Variants in ESRRG observed in about 807,000 individuals in gnomAD.
ESRRG encodes the protein estrogen related receptor gamma, also known as estrogen-related receptor gamma.
In ESRRG, 13 loss-of-function variants were observed where a neutral mutation model predicts 44.0. That is an observed-to-expected ratio of 0.30 (90% confidence interval 0.19 to 0.47). The LOEUF is 0.47. Ranked by LOEUF, ESRRG falls within the 20% of genes least tolerant of loss-of-function variation. The pLI, the probability that ESRRG is intolerant of heterozygous loss-of-function variation, is 1.00. For synonymous variants in ESRRG, 215 were observed against 214.6 expected (o/e 1.00, Z -0.02); for missense variants, 395 against 580.6 (o/e 0.68, Z 3.29).
chr1:216,516,034 G>T (rs150505717), intron 6 of ESRRG, among the ~76,000 whole-genome samples: 1 of 151,794 alleles, frequency 6.6e-6, no homozygotes, highest in East Asian at 1.9e-4. Context: ...GTCAAACCTC[G>T]TTATATACAT....
intron 2 of ESRRG, among the ~76,000 whole-genome samples, chr1:216,877,388 TG>T (rs66907929): frequency 0.3 from 18,738 of 63,170 alleles, 1,651 homozygotes; most frequent in Non-Finnish European, 0.35. Context: ...TGTTTTTTTT[TG>T]TTTGTTTGTT....
intron 3 of ESRRG, among the ~76,000 whole-genome samples, chr1:216,614,232 C>T (rs950702356): frequency 2.0e-5 from 3 of 152,212 alleles, no homozygotes; most frequent in Non-Finnish European, 4.4e-5. Flanking sequence ...CTCCCATTCC[C>T]GCACTTACAG....
In ESRRG at chr1:216,610,675, TTG is replaced by T. The variant is rs56789156; in HGVS notation, c.589+40296_589+40297del. Among the ~76,000 whole-genome samples the T allele has an allele frequency of 4.7e-3, 704 of 151,090 alleles. 19 individuals are homozygous for T. The highest frequency in any genetic ancestry group is 0.035 in the Admixed American group (523 of 15,128). Reference sequence around the variant, plus strand: ...TAGCTAAGTGCTACCAAGAAAAAAATTGTGTGTGTGTGTGTGTATAAATAAAT... The same window carrying T: ...TAGCTAAGTGCTACCAAGAAAAAAATTGTGTGTGTGTGTGTATAAATAAAT... On this transcript the variant is annotated intron_variant, in intron 3 of 6. Coordinates refer to ENST00000408911, the MANE Select transcript of ESRRG (RefSeq NM_001438.4).
At chr1:217,122,305 T>C (rs187239564) in intron 1 of ESRRG, among the ~76,000 whole-genome samples, 60 of 152,232 alleles carry the variant, frequency 3.9e-4, no homozygotes, top group Admixed American at 2.3e-3. Context: ...ATGTAGACAG[T>C]AGTAGTTTAA....
intron 2 of ESRRG, among the ~76,000 whole-genome samples, chr1:216,764,417 C>T (rs540285145): frequency 2.6e-5 from 4 of 152,104 alleles, no homozygotes; most frequent in Middle Eastern, 3.4e-3. Context: ...TATAGGTGCA[C>T]ACCACCATGC....
chr1:216,633,545 G>A (rs1485316455), intron 3 of ESRRG, among the ~76,000 whole-genome samples: 1 of 152,194 alleles, frequency 6.6e-6, no homozygotes, highest in African/African-American at 2.4e-5. Flanking sequence ...GCACATAAGT[G>A]AAAGGAAACC....
chr1:216,987,456 T>C (rs11572454), intron 1 of ESRRG, among the ~76,000 whole-genome samples: 25,585 of 152,184 alleles, frequency 0.17, 2,873 homozygotes, highest in Admixed American at 0.29. Context: ...TGTCTGAATG[T>C]GTGTGTACTT....
At chr1:216,931,047 A>C (rs1462953628) in intron 2 of ESRRG, among the ~76,000 whole-genome samples, 1 of 152,208 alleles carries the variant, frequency 6.6e-6, no homozygotes, top group Non-Finnish European at 1.5e-5. Flanking sequence ...ATGTTAAGCG[A>C]TATTATTCTA....
In ESRRG at chr1:216,815,883, C is replaced by T. The variant is rs1391429744; in HGVS notation, c.-14+123699G>A. ...TCAAGTTCATCCAGGGGTCTATTGG[C>T]CATATGTTATTTGGTGTCACTTGTT... On this transcript the variant is annotated intron_variant, in intron 2 of 7. Coordinates refer to the ESRRG transcript ENST00000359162. Among the ~76,000 whole-genome samples the T allele has an allele frequency of 2.6e-5, 4 of 152,104 alleles. No homozygotes were observed. In the East Asian group the frequency reaches 7.7e-4, roughly 29 times the overall value.
chr1:216,976,442 A>G (rs1028315600), intron 1 of ESRRG, among the ~76,000 whole-genome samples: 1 of 152,080 alleles, frequency 6.6e-6, no homozygotes, highest in Admixed American at 6.6e-5. Context: ...TGTTTAAGCT[A>G]TTAGGTGAAT....
chr1:217,032,817 C>A (rs1049053287), intron 1 of ESRRG, among the ~76,000 whole-genome samples: 1 of 152,280 alleles, frequency 6.6e-6, no homozygotes, highest in African/African-American at 2.4e-5. Context: ...TCATTCATTG[C>A]ATATTAAACA....
intron 2 of ESRRG, among the ~76,000 whole-genome samples, chr1:216,933,085 C>A (rs143386652): frequency 2.3e-3 from 355 of 152,100 alleles, no homozygotes; most frequent in African/African-American, 6.3e-3. Context: ...AGGATAACAG[C>A]AACTACCTCA....
At chr1:216,856,847 C>T (rs1359116834) in intron 2 of ESRRG, among the ~76,000 whole-genome samples, 1 of 152,082 alleles carries the variant, frequency 6.6e-6, no homozygotes, top group East Asian at 1.9e-4. Flanking sequence ...CTTAAAAAGC[C>T]AACTCATACA....
intron 5 of ESRRG, among the ~76,000 whole-genome samples, chr1:216,544,735 G>GTTGGT (rs143476651): frequency 6.6e-6 from 1 of 151,040 alleles, no homozygotes; most frequent in Non-Finnish European, 1.5e-5. Context: ...AAAAAACACT[G>GTTGGT]TTTGTTTTGT....
At chr1:216,993,353 C>T (rs2075983087) in intron 1 of ESRRG, among the ~76,000 whole-genome samples, 1 of 152,160 alleles carries the variant, frequency 6.6e-6, no homozygotes, top group Non-Finnish European at 1.5e-5. Context: ...ACTGAAATCT[C>T]CACTTCTCAC....
At chr1:216,650,858 C>T in intron 3 of ESRRG, 115 bp downstream of exon 3, 2 of 718,090 alleles carry the variant, frequency 2.8e-6, no homozygotes, top group Non-Finnish European at 5.1e-6. Flanking sequence ...CCATCAGAGT[C>T]AGGGTACTTA....
chr1:217,005,720 C>T (rs970887757), intron 1 of ESRRG, among the ~76,000 whole-genome samples: 2 of 151,784 alleles, frequency 1.3e-5, no homozygotes, highest in Admixed American at 1.3e-4. Context: ...GTTCTTCTGA[C>T]CATTAGGAAA....
chr1:216,793,721 G>A (rs1188951010), intron 2 of ESRRG, among the ~76,000 whole-genome samples: 1 of 152,144 alleles, frequency 6.6e-6, no homozygotes, highest in Non-Finnish European at 1.5e-5. Context: ...AATTTGTTAT[G>A]TGTCCTAATA....
intron 1 of ESRRG, among the ~76,000 whole-genome samples, chr1:216,957,211 A>G (rs2068113901): frequency 6.6e-6 from 1 of 152,122 alleles, no homozygotes; most frequent in Non-Finnish European, 1.5e-5. Flanking sequence ...ATGTTAAAGA[A>G]GCCAAGTCCT....
Sources: gnomAD v4.1 joint callset for allele counts (sites outside exome capture counted in the v4.1 genomes callset) on GRCh38, gnomAD v4.1.1 for gene constraint, MANE v1.5 for transcripts, NCBI Gene and HGNC (gene_info 2026-07-23, HGNC 2026-07-21) for gene names.